The following ZNF892 variants were observed in gnomAD, a reference collection of about 807,000 sequenced individuals.
ZNF892 encodes the protein zinc finger protein 570-like.
the ZNF892 span, among the ~76,000 whole-genome samples, chr2:95,226,082 C>T: frequency 2.6e-5 from 4 of 152,128 alleles, no homozygotes; most frequent in African/African-American, 7.2e-5. Flanking sequence ...TCTTCTAGGC[C>T]TAGTGGGGGA....
At chr2:95,220,987 A>G in the ZNF892 span, among the ~76,000 whole-genome samples, 1 of 152,212 alleles carries the variant, frequency 6.6e-6, no homozygotes, top group African/African-American at 2.4e-5. Context: ...TGTTCACTTT[A>G]ATTTGCCATA....
chr2:95,214,255 G>A, the ZNF892 span: 1 of 397,092 alleles, frequency 2.5e-6, no homozygotes, highest in Non-Finnish European at 4.4e-6. Context: ...AAACAAACAT[G>A]TTTCATTAAT....
At chr2:95,238,570 C>G in the ZNF892 span, among the ~76,000 whole-genome samples, 1 of 152,202 alleles carries the variant, frequency 6.6e-6, no homozygotes, top group East Asian at 1.9e-4. Flanking sequence ...TCAAGCCTTA[C>G]TATTATTTAA....
the ZNF892 span, among the ~76,000 whole-genome samples, chr2:95,247,995 C>T: frequency 6.6e-6 from 1 of 152,080 alleles, no homozygotes; most frequent in Admixed American, 6.6e-5. Context: ...GAGTGTATAT[C>T]CAGAAGAAAA....
chr2:95,213,368 A>C, the ZNF892 span, among the ~76,000 whole-genome samples: 1 of 152,186 alleles, frequency 6.6e-6, no homozygotes, highest in Non-Finnish European at 1.5e-5. Context: ...ACTGTATTGT[A>C]TTAATTTATT....
chr2:95,210,788 C>T, the ZNF892 span, among the ~76,000 whole-genome samples: 2 of 152,122 alleles, frequency 1.3e-5, no homozygotes, highest in African/African-American at 4.8e-5. Flanking sequence ...GCCACAAGAT[C>T]CCCTCTATGT....
chr2:95,263,465 A>G, the ZNF892 span, among the ~76,000 whole-genome samples: 4 of 152,252 alleles, frequency 2.6e-5, no homozygotes, highest in Non-Finnish European at 5.9e-5. Context: ...CAGAAATAAT[A>G]GAAAATGAAT....
chr2:95,221,622 GTCA>G, the ZNF892 span, among the ~76,000 whole-genome samples: 1 of 151,966 alleles, frequency 6.6e-6, no homozygotes, highest in Non-Finnish European at 1.5e-5. Context: ...ATCCTTTTTG[GTCA>G]TCGAGTTGTT....
the ZNF892 span, among the ~76,000 whole-genome samples, chr2:95,262,729 G>A: frequency 1.3e-3 from 199 of 152,308 alleles, 1 homozygote; most frequent in Middle Eastern, 0.041. Context: ...TCAACCTCCA[G>A]TCTCATTTTA....
At chr2:95,241,389 A>G in the ZNF892 span, among the ~76,000 whole-genome samples, 49 of 152,240 alleles carry the variant, frequency 3.2e-4, no homozygotes, top group Non-Finnish European at 6.5e-4. Flanking sequence ...AGCAAACCGC[A>G]GCAGCCCTAA....
chr2:95,258,669 A>C, the ZNF892 span, among the ~76,000 whole-genome samples: 1 of 152,242 alleles, frequency 6.6e-6, no homozygotes, highest in South Asian at 2.1e-4. Context: ...CAACACCTGG[A>C]TCCCTTGACT....
the ZNF892 span, among the ~76,000 whole-genome samples, chr2:95,211,001 A>T: frequency 1.3e-5 from 2 of 152,110 alleles, no homozygotes; most frequent in Non-Finnish European, 2.9e-5. Flanking sequence ...CTTCAAGCAG[A>T]TGAAAGAATG....
the ZNF892 span, among the ~76,000 whole-genome samples, chr2:95,258,894 C>T: frequency 1.3e-5 from 2 of 152,120 alleles, no homozygotes; most frequent in African/African-American, 4.8e-5. Flanking sequence ...AGGAGAAAAA[C>T]AAACACATTT....
chr2:95,221,690 T>C, the ZNF892 span, among the ~76,000 whole-genome samples: 1 of 152,242 alleles, frequency 6.6e-6, no homozygotes, highest in Non-Finnish European at 1.5e-5. Context: ...CCCTTTTTTC[T>C]TTCCTGATAT....
chr2:95,237,562 C>A, the ZNF892 span, among the ~76,000 whole-genome samples: 1 of 152,092 alleles, frequency 6.6e-6, no homozygotes, highest in East Asian at 1.9e-4. Context: ...CAATCAATAA[C>A]CCTACAATGG....
chr2:95,222,080 A>C, the ZNF892 span, among the ~76,000 whole-genome samples: 3 of 152,118 alleles, frequency 2.0e-5, no homozygotes, highest in African/African-American at 7.2e-5. Flanking sequence ...GAACAATTCC[A>C]CTGCACCAAC....
the ZNF892 span, among the ~76,000 whole-genome samples, chr2:95,241,656 G>A: frequency 1.3e-5 from 2 of 152,150 alleles, no homozygotes; most frequent in Non-Finnish European, 2.9e-5. Context: ...GATGGCTGAA[G>A]AGACAGAAGT....
the ZNF892 span, among the ~76,000 whole-genome samples, chr2:95,210,744 A>G: frequency 6.6e-6 from 1 of 152,208 alleles, no homozygotes; most frequent in Non-Finnish European, 1.5e-5. Context: ...GAGCAAAAAT[A>G]GACCTGGCCT....
the ZNF892 span, among the ~76,000 whole-genome samples, chr2:95,213,150 CT>C: frequency 6.6e-6 from 1 of 152,174 alleles, no homozygotes; most frequent in African/African-American, 2.4e-5. Context: ...GTCTGCCTAA[CT>C]TTTTTGCCTT....
Sources: gnomAD v4.1 joint callset for allele counts (sites outside exome capture counted in the v4.1 genomes callset) on GRCh38, gnomAD v4.1.1 for gene constraint, MANE v1.5 for transcripts, NCBI Gene and HGNC (gene_info 2026-07-23, HGNC 2026-07-21) for gene names.